Variants in URB1 observed in about 807,000 individuals in gnomAD.
URB1 encodes the protein URB1 ribosome biogenesis factor.
Under a neutral mutation model 242.3 loss-of-function variants are expected in URB1, and 197 were observed. That is an observed-to-expected ratio of 0.81 (90% CI 0.72 to 0.91). The LOEUF is 0.91. Ranked by LOEUF, URB1 falls within the 40% of genes least tolerant of loss-of-function variation. The pLI, the probability that URB1 is intolerant of heterozygous loss-of-function variation, is 0.00. For missense variants in URB1, 2,721 were observed against 2,860.5 expected (o/e 0.95, Z 1.11); for synonymous variants, 1,153 against 1,201.8 (o/e 0.96, Z 0.84).
chr21:32,372,081 T>C (rs1479777416), intron 8 of URB1, among the ~76,000 whole-genome samples: 1 of 152,226 alleles, frequency 6.6e-6, no homozygotes, highest in Non-Finnish European at 1.5e-5. Flanking sequence ...CTCTGCCATT[T>C]AACCAGTGTA....
intron 18 of URB1, among the ~76,000 whole-genome samples, chr21:32,353,526 G>A (rs1476352359): frequency 1.3e-5 from 2 of 152,196 alleles, no homozygotes; most frequent in Non-Finnish European, 1.5e-5. Context: ...AGCAAAGCCT[G>A]AGTTCTCCCA....
Position 32,314,483 on chromosome 21 carries a change from T to A in URB1, c.*435A>T. ...TATAGGCGTGAGCCACCTCACCTGC[T>A]GAAAAATAAACTTTAAACATCTCTC... On this transcript the variant is annotated 3_prime_UTR_variant, in exon 39 of 39. Transcript: ENST00000382751. 3 of 1,480,906 alleles carry A rather than the reference T, an allele frequency of 2.0e-6. No individual in the cohort carries two copies. The highest frequency in any genetic ancestry group is 1.9e-6 in the Non-Finnish European group (2 of 1,060,062). 91.7% of individuals were successfully genotyped at this position (1,480,906 alleles called of 1,614,324 possible).
rs1197680113 is a variant in URB1 at position 32,366,442 on chromosome 21, G to A, written c.1335+176C>T. Among the ~76,000 whole-genome samples, 3 of 152,296 alleles carry A rather than the reference G, an allele frequency of 2.0e-5. No individual in the cohort carries two copies. The East Asian group carries it at 5.8e-4, about 29-fold the overall frequency. On this transcript the variant is annotated intron_variant, in intron 10 of 38. Transcript: ENST00000382751. Reference sequence around the variant, plus strand: ...TGCTCCAAGGTCCTTACCCAGGTGCGTGGACCTGTCACTTATGGGCTATTT... The same window carrying A: ...TGCTCCAAGGTCCTTACCCAGGTGCATGGACCTGTCACTTATGGGCTATTT...
In URB1 at chr21:32,317,183, G is replaced by A. The variant is rs553486463; in HGVS notation, c.6035-118C>T. The A allele has an allele frequency of 4.4e-5, 60 of 1,377,540 alleles. No individual in the cohort carries two copies. The African/African-American group carries it at 7.3e-4, about 17-fold the overall frequency. The allele number at this position is 1,377,540 out of a possible 1,614,324, so 85.3% of individuals were successfully genotyped here. Reference sequence around the variant, plus strand: ...GGCGGCTTGCATGTCCTGAGCACCCGGCCCTGCTCCCACGTCAGGAGCCTG... The same window carrying A: ...GGCGGCTTGCATGTCCTGAGCACCCAGCCCTGCTCCCACGTCAGGAGCCTG... On this transcript the variant is annotated intron_variant, in intron 37 of 38. Transcript: ENST00000382751.
chr21:32,385,652 G>A lies in URB1; in HGVS notation c.175C>T (p.Leu59=). 1 of 1,551,544 alleles carries A rather than the reference G, an allele frequency of 6.4e-7. No homozygotes were observed. The highest frequency in any genetic ancestry group is 8.7e-7 in the Non-Finnish European group (1 of 1,146,970). Residue 59 remains leucine (L), a synonymous_variant, in exon 2 of 39, where the codon CTA becomes TTA. Coordinates refer to ENST00000382751, the MANE Select transcript of URB1 (RefSeq NM_014825.3). ...ACATCATACACATCTTCTCGTGGTA[G>A]CTTCTTGGCAGCAGACACAAACGCT... is the stretch of plus-strand genomic sequence containing the variant. ...LEAFVSAAKK[L]PREDVYDVVE... is the part of the protein sequence containing the mutation.
At chr21:32,317,153 CGAG>C in intron 37 of URB1, 88 bp from the exon 38 acceptor site, 1 of 1,436,572 alleles carries the variant, frequency 7.0e-7, no homozygotes, top group Non-Finnish European at 9.1e-7. Context: ...ATGGGGGACA[CGAG>C]GGGCGGCTTG....
chr21:32,372,374 T>C, intron 8 of URB1, 133 bp downstream of exon 8: 11 of 1,254,156 alleles, frequency 8.8e-6, no homozygotes, highest in Non-Finnish European at 1.2e-5. Flanking sequence ...CTACAACTGT[T>C]CAACCCTGAA....
intron 8 of URB1, among the ~76,000 whole-genome samples, chr21:32,371,871 TAAA>T (rs1281646479): frequency 6.6e-6 from 1 of 152,082 alleles, no homozygotes; most frequent in East Asian, 1.9e-4. Flanking sequence ...AAGAAAGTCT[TAAA>T]GAATATGATC....
chr21:32,380,413 C>G (rs2033510423), intron 4 of URB1, among the ~76,000 whole-genome samples: 2 of 152,184 alleles, frequency 1.3e-5, no homozygotes, highest in African/African-American at 4.8e-5. Flanking sequence ...TTCTGAGGAC[C>G]TATCTGTGTG....
At chr21:32,322,034 CA>C in intron 33 of URB1, 90 bp from the exon 34 acceptor site, 1 of 1,456,752 alleles carries the variant, frequency 6.9e-7, no homozygotes, top group Non-Finnish European at 9.2e-7. Context: ...TAAGTGGTGG[CA>C]AAAGTTGTAA....
rs781233445 is a variant in URB1, at chr21:32,311,776, C to A, written c.*3142G>T. 5 of 1,614,176 alleles carry A rather than the reference C, an allele frequency of 3.1e-6. No individual in the cohort carries two copies. On this transcript the variant is annotated 3_prime_UTR_variant, in exon 39 of 39. Transcript: ENST00000382751. ...AAGTGCCTGCCGTGCCACAGGGAAC[C>A]CCTGGCAACCTCACAGGCTCAGGCG...
Position 32,355,450 on chromosome 21 carries a change from C to T in URB1, c.2105G>A (p.Arg702His), listed in dbSNP as rs377161110. 20 of 1,550,878 alleles carry T rather than the reference C, an allele frequency of 1.3e-5. No homozygotes were observed. The highest frequency in any genetic ancestry group is 5.5e-5 in the African/African-American group (4 of 72,998). ...TTTATGTGGGAAATATGTGCTTACG[C>T]GTTCCAGAAACTGAATCACAGTCTC... is the stretch of plus-strand genomic sequence containing the variant. ...DKETVIQFLE[R>H]ILLTLVANPY... is the part of the protein sequence containing the mutation. The change falls in exon 16 of 39, where the codon CGC becomes CAC. Residue 702 changes from arginine (R) to histidine (H), a missense_variant and splice_region_variant. Arg to His is a conservative substitution (Grantham distance 29). Transcript: ENST00000382751.
At position 32,314,857 on chromosome 21, in the gene URB1, A is replaced by G. The variant is rs1446309403; in HGVS notation, c.*61T>C. On this transcript the variant is annotated 3_prime_UTR_variant, in exon 39 of 39. Transcript: ENST00000382751. ...AAACCCTTGACTCAACCAAACTTCT[A>G]GAAGCTGGTGCTGTGCTCGAGGCTC... is the stretch of plus-strand genomic sequence containing the variant. The G allele has an allele frequency of 7.9e-6, 12 of 1,519,890 alleles. No individual in the cohort carries two copies. The highest frequency in any genetic ancestry group is 4.2e-5 in the African/African-American group (3 of 72,144). 94.2% of individuals were successfully genotyped at this position (1,519,890 alleles called of 1,614,324 possible).
At chr21:32,377,299 C>A (rs199639646) in intron 5 of URB1, 1 of 511,566 alleles carries the variant, frequency 2.0e-6, no homozygotes, top group South Asian at 1.4e-5. Flanking sequence ...GGGGGACGGG[C>A]CCATCATAAA....
rs1198436341 is a variant in URB1 at position 32,392,967 on chromosome 21, C to T, written c.-57G>A. The T allele has an allele frequency of 7.0e-7, 1 of 1,438,504 alleles. No individual in the cohort carries two copies. The allele number at this position is 1,438,504 out of a possible 1,614,324, so 89.1% of individuals were successfully genotyped here. On this transcript the variant is annotated 5_prime_UTR_variant, in exon 1 of 39. Coordinates refer to ENST00000382751, the MANE Select transcript of URB1 (RefSeq NM_014825.3). ...CACACCTGAGGGGACCCGGCAGGAG[C>T]ACTGGCACAGACAGCAGACACGCGC...
At position 32,373,789 on chromosome 21, in the gene URB1, A is replaced by G; in HGVS notation, c.751-17T>C. On this transcript the variant is annotated splice_polypyrimidine_tract_variant and intron_variant, in intron 6 of 38. Coordinates refer to ENST00000382751, the MANE Select transcript of URB1 (RefSeq NM_014825.3). Reference sequence around the variant, plus strand: ...GTGAACTACCTGAAACAATAATAAAACAAATTATTAAAAAACAAATTATGA... The same window carrying G: ...GTGAACTACCTGAAACAATAATAAAGCAAATTATTAAAAAACAAATTATGA... 6.7e-7 allele frequency: 1 copy of G among 1,496,280 alleles called. No individual in the cohort carries two copies. The highest frequency in any genetic ancestry group is 2.5e-5 in the East Asian group (1 of 39,238). The allele number at this position is 1,496,280 out of a possible 1,614,324, so 92.7% of individuals were successfully genotyped here. A position where few individuals can be genotyped will look rare whatever the true frequency, so the allele number is the denominator to read the frequency against.
In URB1 at chr21:32,383,287, GAC is replaced by G. The variant is rs570181654; in HGVS notation, c.567+133_567+134del. 1.8e-4 allele frequency: 213 copies of G among 1,176,208 alleles called. 2 individuals are homozygous for G. In the East Asian group the frequency reaches 5.8e-3, roughly 32 times the overall value. The allele number at this position is 1,176,208 out of a possible 1,614,324, so 72.9% of individuals were successfully genotyped here. A position where few individuals can be genotyped will look rare whatever the true frequency, so the allele number is the denominator to read the frequency against. On this transcript the variant is annotated intron_variant, in intron 4 of 38. Coordinates refer to ENST00000382751, the MANE Select transcript of URB1 (RefSeq NM_014825.3). ...CTCACAGACAGATCCTGTGGCTGCT[GAC>G]ACACACCTTTCTACATAGACACCTC...
Position 32,368,462 on chromosome 21 carries a change from A to G in URB1, c.1138T>C (p.Phe380Leu), listed in dbSNP as rs2033370488. The G allele has an allele frequency of 1.3e-6, 2 of 1,551,378 alleles. No homozygotes were observed. The highest frequency in any genetic ancestry group is 1.4e-5 in the African/African-American group (1 of 72,992). ...GACTTCGCTCGTGGGATAAAGGAAA[A>G]CGTTACTTCCTTGAAGTATTTGTTC... ...LLNKYFKEVTFSFIPRAKSTW... is the reference protein window; with the variant it reads ...LLNKYFKEVTLSFIPRAKSTW... The change falls in exon 9 of 39, where the codon TTT (phenylalanine) becomes CTT (leucine). Residue 380 changes from phenylalanine (F) to leucine (L), a missense_variant. Transcript: ENST00000382751.
Position 32,373,645 on chromosome 21 carries a change from A to C in URB1, c.876+2T>G. 6.5e-7 allele frequency: 1 copy of C among 1,536,196 alleles called. No homozygotes were observed. The highest frequency in any genetic ancestry group is 8.8e-7 in the Non-Finnish European group (1 of 1,142,706). ...TCAACGAAAACCAAAAAGTGTCTGC[A>C]CCTTGACATTTTCTGGGTTCACATC... On this transcript the variant is annotated splice_donor_variant, in intron 7 of 38. Transcript: ENST00000382751. LOFTEE classifies it high-confidence loss of function.
Sources: gnomAD v4.1 joint callset for allele counts (sites outside exome capture counted in the v4.1 genomes callset) on GRCh38, gnomAD v4.1.1 for gene constraint, MANE v1.5 for transcripts, NCBI Gene and HGNC (gene_info 2026-07-23, HGNC 2026-07-21) for gene names.